The following CCSER1 variants were observed in gnomAD, a reference collection of about 807,000 sequenced individuals.
The protein encoded by CCSER1 is serine-rich coiled-coil domain-containing protein 1.
In CCSER1, 41 loss-of-function variants were observed where a neutral mutation model predicts 82.0. The observed-to-expected ratio is 0.50, with a 90% CI of 0.39 to 0.65. The LOEUF (loss-of-function observed/expected upper bound fraction) is 0.65, where lower values mean the gene tolerates loss of function less well. CCSER1 is among the 30% of genes least tolerant of loss of function. The pLI, the probability that CCSER1 is intolerant of heterozygous loss-of-function variation, is 0.00. For missense variants in CCSER1, 1,119 were observed against 1,064.2 expected (o/e 1.05, Z -0.72); for synonymous variants, 414 against 383.9 (o/e 1.08, Z -0.92).
At chr4:91,319,670 C>T in intron 10 of CCSER1, 1 of 455,872 alleles carries the variant, frequency 2.2e-6, no homozygotes, top group South Asian at 1.5e-5. Context: ...GTCTGTGATT[C>T]TCCCTTCTCC....
intron 7 of CCSER1, among the ~76,000 whole-genome samples, chr4:90,756,797 A>G (rs1053289058): frequency 7.2e-5 from 11 of 152,196 alleles, no homozygotes; most frequent in African/African-American, 1.2e-4. Context: ...AGTGCCTTGC[A>G]TATTTTAGAT....
At chr4:90,671,834 CT>C (rs1732857690) in intron 6 of CCSER1, among the ~76,000 whole-genome samples, 1 of 151,944 alleles carries the variant, frequency 6.6e-6, no homozygotes, top group African/African-American at 2.4e-5. Context: ...ATCAAAATTC[CT>C]TCTTGATCCA....
intron 10 of CCSER1, among the ~76,000 whole-genome samples, chr4:91,513,614 T>A (rs149356523): frequency 6.6e-6 from 1 of 152,188 alleles, no homozygotes; most frequent in Non-Finnish European, 1.5e-5. Context: ...GGTTGGTAGG[T>A]TTTTTATCAC....
At chr4:90,546,447 G>C (rs1055540128) in intron 5 of CCSER1, among the ~76,000 whole-genome samples, 1 of 152,112 alleles carries the variant, frequency 6.6e-6, no homozygotes, top group Non-Finnish European at 1.5e-5. Context: ...ATATCCCAGG[G>C]ATCAGAGATA....
intron 10 of CCSER1, among the ~76,000 whole-genome samples, chr4:91,412,220 T>A (rs1753097369): frequency 6.6e-6 from 1 of 152,056 alleles, no homozygotes; most frequent in African/African-American, 2.4e-5. Flanking sequence ...TATATTCCTG[T>A]TTGGCTTTTG....
intron 4 of CCSER1, among the ~76,000 whole-genome samples, chr4:90,413,139 C>G (rs1680922482): frequency 6.6e-6 from 1 of 152,168 alleles, no homozygotes; most frequent in Non-Finnish European, 1.5e-5. Context: ...AGTAGCCCTT[C>G]TATACACCAA....
chr4:91,164,704 T>A (rs1304020508), intron 10 of CCSER1, among the ~76,000 whole-genome samples: 2 of 152,228 alleles, frequency 1.3e-5, no homozygotes, highest in Non-Finnish European at 2.9e-5. Flanking sequence ...TGATACCCTT[T>A]CTTCCACTTG....
chr4:90,774,064 C>T (rs1752589959), intron 7 of CCSER1, among the ~76,000 whole-genome samples: 1 of 152,036 alleles, frequency 6.6e-6, no homozygotes, highest in African/African-American at 2.4e-5. Flanking sequence ...AAGGGCACAT[C>T]ATTTTTATTT....
chr4:90,492,591 G>C (rs1292484480), intron 5 of CCSER1, among the ~76,000 whole-genome samples: 2 of 152,036 alleles, frequency 1.3e-5, no homozygotes, highest in Non-Finnish European at 2.9e-5. Context: ...TGCTTCTCTA[G>C]TTGCTTTAAT....
At chr4:91,357,482 T>C (rs1051903186) in intron 10 of CCSER1, among the ~76,000 whole-genome samples, 2 of 152,184 alleles carry the variant, frequency 1.3e-5, no homozygotes, top group African/African-American at 4.8e-5. Context: ...CTAATATGTT[T>C]ACACACAGAA....
At chr4:90,414,719 A>AT (rs138588812) in intron 4 of CCSER1, among the ~76,000 whole-genome samples, 2,700 of 152,180 alleles carry the variant, frequency 0.018, 48 homozygotes, top group African/African-American at 0.036. Flanking sequence ...TTTTAATGAT[A>AT]TTTACTAGCA....
chr4:90,646,975 C>T (rs1011612061), intron 6 of CCSER1, among the ~76,000 whole-genome samples: 8 of 152,066 alleles, frequency 5.3e-5, no homozygotes, highest in African/African-American at 1.9e-4. Flanking sequence ...AACACACATC[C>T]TTTTCATTTT....
intron 10 of CCSER1, among the ~76,000 whole-genome samples, chr4:91,191,082 G>A (rs1255475769): frequency 6.6e-6 from 1 of 152,164 alleles, no homozygotes; most frequent in Non-Finnish European, 1.5e-5. Flanking sequence ...TAATAGTATT[G>A]TTTGATGAAT....
At chr4:91,254,256 C>T (rs1000815445) in intron 10 of CCSER1, among the ~76,000 whole-genome samples, 2 of 152,138 alleles carry the variant, frequency 1.3e-5, no homozygotes. Flanking sequence ...ACAGCAAACA[C>T]ATTCTTCTCA....
intron 6 of CCSER1, among the ~76,000 whole-genome samples, chr4:90,708,098 A>G (rs1739750822): frequency 6.6e-6 from 1 of 152,148 alleles, no homozygotes; most frequent in African/African-American, 2.4e-5. Context: ...AGCTAAAGCT[A>G]CCTGTGGTCT....
At chr4:90,254,479 A>G (rs1262699157) in intron 1 of CCSER1, among the ~76,000 whole-genome samples, 1 of 152,200 alleles carries the variant, frequency 6.6e-6, no homozygotes, top group African/African-American at 2.4e-5. Context: ...TCAGCCAGCT[A>G]TGCCTGGGGG....
intron 10 of CCSER1, among the ~76,000 whole-genome samples, chr4:91,326,893 C>T (rs1746603206): frequency 6.6e-6 from 1 of 152,126 alleles, no homozygotes; most frequent in African/African-American, 2.4e-5. Context: ...TTCAAACTAA[C>T]TTCCTCTGAC....
chr4:90,279,192 G>A (rs890072124), intron 1 of CCSER1, among the ~76,000 whole-genome samples: 1 of 152,008 alleles, frequency 6.6e-6, no homozygotes, highest in African/African-American at 2.4e-5. Context: ...GTGTAATCTA[G>A]TAATTTCTGG....
intron 10 of CCSER1, among the ~76,000 whole-genome samples, chr4:91,181,187 TCCCA>T (rs1433727316): frequency 5.3e-5 from 8 of 152,204 alleles, no homozygotes; most frequent in Non-Finnish European, 1.2e-4. Flanking sequence ...GGGGGCCTGC[TCCCA>T]CCATGTCCCC....
Sources: gnomAD v4.1 joint callset for allele counts (sites outside exome capture counted in the v4.1 genomes callset) on GRCh38, gnomAD v4.1.1 for gene constraint, MANE v1.5 for transcripts, NCBI Gene and HGNC (gene_info 2026-07-23, HGNC 2026-07-21) for gene names.